Variants in ZMYND8 observed in about 807,000 individuals in gnomAD.
ZMYND8 encodes MYND-type zinc finger-containing chromatin reader ZMYND8.
Under a neutral mutation model 140.8 loss-of-function variants are expected in ZMYND8, and 37 were observed. The ratio of observed to expected loss-of-function variants is 0.26; its 90% CI spans 0.20 to 0.35. The LOEUF is 0.35. Ranked by LOEUF, ZMYND8 falls within the 10% of genes least tolerant of loss-of-function variation. The probability of loss-of-function intolerance (pLI) is 1.00; values close to 1 mark genes in which losing one functional copy is unlikely to be tolerated. For synonymous variants in ZMYND8, 592 were observed against 597.1 expected, an observed-to-expected ratio of 0.99 and a Z score of 0.12; for missense variants, 1,068 against 1,570.0, an observed-to-expected ratio of 0.68 and a Z score of 5.40.
At chr20:47,245,285 C>T (rs2040428294) in intron 14 of ZMYND8, among the ~76,000 whole-genome samples, 1 of 152,042 alleles carries the variant, frequency 6.6e-6, no homozygotes, top group Admixed American at 6.6e-5. Flanking sequence ...CTTGCTCTGC[C>T]ACCCACACTG....
intron 8 of ZMYND8, among the ~76,000 whole-genome samples, chr20:47,283,926 C>T (rs887043758): frequency 6.6e-6 from 1 of 151,350 alleles, no homozygotes. Flanking sequence ...GCCACAGCCA[C>T]CATTTTTTTT....
chr20:47,347,619 G>C lies in ZMYND8; in HGVS notation c.85+237C>G, dbSNP rs369329758. On this transcript the variant is annotated intron_variant, in intron 2 of 22. Coordinates refer to ENST00000471951, the MANE Select transcript of ZMYND8 (RefSeq NM_001281775.3). ...GAGGTAGCCAGCCACCCTCAGTCAT[G>C]ACACACAGGTAAAATTCACTGTCAG... 7.2e-5 allele frequency among the ~76,000 whole-genome samples: 11 copies of C among 152,260 alleles called. No individual in the cohort carries two copies. In the South Asian group the frequency reaches 1.7e-3, roughly 23 times the overall value.
At chr20:47,331,751 A>G (rs2080962316) in intron 2 of ZMYND8, among the ~76,000 whole-genome samples, 2 of 152,230 alleles carry the variant, frequency 1.3e-5, no homozygotes, top group South Asian at 4.1e-4. Flanking sequence ...CAGCATCTCC[A>G]GTACTGCAGA....
At chr20:47,246,982 T>A (rs1022439106) in intron 13 of ZMYND8, among the ~76,000 whole-genome samples, 11 of 152,192 alleles carry the variant, frequency 7.2e-5, no homozygotes, top group Admixed American at 5.2e-4. Flanking sequence ...CCACCAACAC[T>A]CTTCCCTTGG....
chr20:47,341,636 C>T (rs535932627), intron 2 of ZMYND8, among the ~76,000 whole-genome samples: 5 of 151,236 alleles, frequency 3.3e-5, no homozygotes, highest in African/African-American at 7.3e-5. Flanking sequence ...TTTGGGAGGC[C>T]GAGGTGGGAG....
chr20:47,329,699 T>A (rs542149275), intron 2 of ZMYND8, among the ~76,000 whole-genome samples: 170 of 152,226 alleles, frequency 1.1e-3, no homozygotes, highest in African/African-American at 3.7e-3. Flanking sequence ...CCACCACGCC[T>A]GGCTTGTTAA....
chr20:47,241,250 G>A (rs984102157), intron 14 of ZMYND8, among the ~76,000 whole-genome samples: 2 of 136,302 alleles, frequency 1.5e-5, no homozygotes, highest in African/African-American at 5.7e-5. Context: ...AGCCGAAATC[G>A]CCCCATTGCA....
At chr20:47,258,143 G>A (rs1370546226) in intron 12 of ZMYND8, among the ~76,000 whole-genome samples, 1 of 152,210 alleles carries the variant, frequency 6.6e-6, no homozygotes. Context: ...GCTGGCAAGA[G>A]CCACATCCTT....
chr20:47,287,085 C>G (rs1355059927), intron 8 of ZMYND8, 144 bp downstream of exon 8: 2 of 655,476 alleles, frequency 3.1e-6, no homozygotes, highest in African/African-American at 3.7e-5. Context: ...GTTCTTTTTA[C>G]TTTCCTTGAA....
At chr20:47,315,178 A>C (rs1328823011) in intron 2 of ZMYND8, among the ~76,000 whole-genome samples, 1 of 152,218 alleles carries the variant, frequency 6.6e-6, no homozygotes, top group Non-Finnish European at 1.5e-5. Flanking sequence ...ACTATCACCC[A>C]AGCCCACCAG....
intron 2 of ZMYND8, among the ~76,000 whole-genome samples, chr20:47,330,704 T>TA (rs2080870336): frequency 6.6e-6 from 1 of 152,124 alleles, no homozygotes. Flanking sequence ...AACAGACACT[T>TA]GAGCTGGGTA....
intron 7 of ZMYND8, among the ~76,000 whole-genome samples, chr20:47,289,492 C>A (rs556980208): frequency 6.6e-6 from 1 of 152,264 alleles, no homozygotes; most frequent in African/African-American, 2.4e-5. Flanking sequence ...TATGTCCATG[C>A]AAAGACTTGC....
intron 2 of ZMYND8, among the ~76,000 whole-genome samples, chr20:47,335,352 G>T (rs569948468): frequency 6.6e-6 from 1 of 151,898 alleles, no homozygotes; most frequent in Non-Finnish European, 1.5e-5. Context: ...AGGTTCCCAG[G>T]AAAGCCCAGG....
intron 13 of ZMYND8, among the ~76,000 whole-genome samples, chr20:47,248,509 C>T (rs541493245): frequency 7.2e-5 from 11 of 152,362 alleles, no homozygotes; most frequent in Admixed American, 1.3e-4. Flanking sequence ...TCCAGAGGCC[C>T]AGCCATCCCC....
chr20:47,266,668 C>A (rs1329924737), intron 11 of ZMYND8, among the ~76,000 whole-genome samples: 1 of 152,076 alleles, frequency 6.6e-6, no homozygotes, highest in Non-Finnish European at 1.5e-5. Context: ...TAAACATATC[C>A]CAAATCTCTG....
intron 11 of ZMYND8, among the ~76,000 whole-genome samples, chr20:47,269,900 A>T (rs2075805247): frequency 6.6e-6 from 1 of 152,224 alleles, no homozygotes; most frequent in African/African-American, 2.4e-5. Flanking sequence ...ATGTGTTGGT[A>T]AAAATGCTGT....
rs2035098572 is a variant in ZMYND8, at chr20:47,210,565, T to C, written c.*196A>G. The C allele has an allele frequency of 1.4e-6, 1 of 708,862 alleles. No individual in the cohort carries two copies. The highest frequency in any genetic ancestry group is 2.6e-5 in the East Asian group (1 of 38,130). The allele number at this position is 708,862 out of a possible 1,614,324, so 43.9% of individuals were successfully genotyped here. Reference sequence around the variant, plus strand: ...ACCAAAAGCACAGGGCTCGTGTGGGTGAACAGTCTGCAGTCAAAGCCGATG... The same window carrying C: ...ACCAAAAGCACAGGGCTCGTGTGGGCGAACAGTCTGCAGTCAAAGCCGATG... On this transcript the variant is annotated 3_prime_UTR_variant, in exon 23 of 23. Transcript: ENST00000471951.
At chr20:47,238,677 AT>A in intron 15 of ZMYND8, 80 bp downstream of exon 15, 1 of 1,541,650 alleles carries the variant, frequency 6.5e-7, no homozygotes, top group Non-Finnish European at 8.7e-7. Flanking sequence ...AAAAAAAAAA[AT>A]AAAAGAGCAA....
chr20:47,254,276 A>G (rs1481602006), intron 12 of ZMYND8, among the ~76,000 whole-genome samples: 1 of 152,248 alleles, frequency 6.6e-6, no homozygotes, highest in Non-Finnish European at 1.5e-5. Flanking sequence ...TGGAGGGAGC[A>G]TAAATCAGAA....
Sources: gnomAD v4.1 joint callset for allele counts (sites outside exome capture counted in the v4.1 genomes callset) on GRCh38, gnomAD v4.1.1 for gene constraint, MANE v1.5 for transcripts, NCBI Gene and HGNC (gene_info 2026-07-23, HGNC 2026-07-21) for gene names.